OTOF: variants seen among roughly 807,000 people sequenced by gnomAD.
OTOF encodes the protein fer-1-like family member 2.
Under a neutral mutation model 236.8 loss-of-function variants are expected in OTOF, and 218 were observed. The observed-to-expected ratio is 0.92, with a 90% CI of 0.82 to 1.03. OTOF has a LOEUF of 1.03. Ranked by LOEUF, OTOF falls within the 50% of genes least tolerant of loss-of-function variation. The probability of loss-of-function intolerance (pLI) is 0.00; values close to 1 mark genes in which losing one functional copy is unlikely to be tolerated. For missense variants in OTOF, 2,590 were observed against 2,694.4 expected (o/e 0.96, Z 0.86); for synonymous variants, 1,041 against 1,072.5 (o/e 0.97, Z 0.57).
At chr2:26,534,915 C>T (rs538966965) in intron 2 of OTOF, among the ~76,000 whole-genome samples, 2 of 152,342 alleles carry the variant, frequency 1.3e-5, no homozygotes, top group East Asian at 3.9e-4. Context: ...TATTCTGGAA[C>T]CACTGGCAGG....
chr2:26,542,718 T>A (rs1244876909), intron 1 of OTOF, among the ~76,000 whole-genome samples: 2 of 152,054 alleles, frequency 1.3e-5, no homozygotes, highest in African/African-American at 4.8e-5. Flanking sequence ...GGAGTCCCGA[T>A]GGTGAAGGGA....
Position 26,470,539 on chromosome 2 carries a change from G to A in OTOF, c.4023+54C>T. The A allele has an allele frequency of 1.3e-6, 2 of 1,567,304 alleles. No homozygotes were observed. The highest frequency in any genetic ancestry group is 1.8e-6 in the Non-Finnish European group (2 of 1,137,658). ...GGGGCCGTGGGAAAGAAGCTGGACA[G>A]GAGGGTCTGAGTGTGGAGGGGGTCA... On this transcript the variant is annotated intron_variant, in intron 32 of 46. Transcript: ENST00000272371. This position sits in a 1 kb window ranked among gnomAD's most constrained non-coding sequence, Gnocchi z 4.3.
In OTOF at chr2:26,483,466, T is replaced by C. The variant is rs553904559; in HGVS notation, c.1388A>G (p.Gln463Arg). 7.7e-5 allele frequency: 125 copies of C among 1,613,712 alleles called. No individual in the cohort carries two copies. In the Middle Eastern group the frequency reaches 1.2e-3, roughly 15 times the overall value. The change falls in exon 13 of 47, where the codon CAG (glutamine) becomes CGG (arginine). Residue 463 changes from glutamine to arginine, a missense_variant. By Grantham distance (43) the Gln-to-Arg change is conservative. Coordinates refer to ENST00000272371, the MANE Select transcript of OTOF (RefSeq NM_194248.3). The stretch of plus-strand genomic sequence containing the variant: ...CTGTACCTCATACCCCAGTACCTTC[T>C]GGCCAGCAAAGAAGACTTGCACGTA... ...DPYVQVFFAGQKGKTSVQKSS... is the reference protein window; with the variant it reads ...DPYVQVFFAGRKGKTSVQKSS...
At chr2:26,497,289 C>T (rs982909530) in intron 8 of OTOF, among the ~76,000 whole-genome samples, 3 of 151,902 alleles carry the variant, frequency 2.0e-5, no homozygotes, top group African/African-American at 2.4e-5. Flanking sequence ...TTAGTAGAGA[C>T]GAGGTTTCAC....
At position 26,466,737 on chromosome 2, in the gene OTOF, G is replaced by A. The variant is rs757028341; in HGVS notation, c.4477C>T (p.Leu1493=). 1 of 1,614,090 alleles carries A rather than the reference G, an allele frequency of 6.2e-7. No homozygotes were observed. The highest frequency in any genetic ancestry group is 1.3e-5 in the African/African-American group (1 of 74,934). Residue 1493 remains leucine (L), a synonymous_variant, in exon 36 of 47, where the codon CTG becomes TTG. Transcript: ENST00000272371. ...ACCCGGACCACATAGACTCGGACCAGCACATTGATGGGGTCATTGCTCGGG... is the reference window on the plus strand; with the variant it reads ...ACCCGGACCACATAGACTCGGACCAACACATTGATGGGGTCATTGCTCGGG... ...GIPSNDPINV[L]VRVYVVRATD...
chr2:26,534,710 T>C (rs1336840168), intron 2 of OTOF, among the ~76,000 whole-genome samples: 2 of 152,088 alleles, frequency 1.3e-5, no homozygotes, highest in Admixed American at 6.6e-5. Context: ...GGAGCATATC[T>C]CTCTTTTACA....
chr2:26,458,303 C>T, intron 46 of OTOF, 83 bp from the exon 47 acceptor site: 1 of 1,398,948 alleles, frequency 7.1e-7, no homozygotes, highest in Non-Finnish European at 9.9e-7. Flanking sequence ...CTTCTGGACC[C>T]CCAAAAGCCC....
intron 1 of OTOF, among the ~76,000 whole-genome samples, chr2:26,543,388 C>G (rs563523660): frequency 1.3e-5 from 2 of 152,276 alleles, no homozygotes; most frequent in South Asian, 2.1e-4. Flanking sequence ...TATCCTGGAC[C>G]AGCCTGTGTC....
intron 30 of OTOF, 34 bp downstream of exon 30, chr2:26,472,485 C>A: frequency 6.2e-7 from 1 of 1,613,018 alleles, no homozygotes; most frequent in Non-Finnish European, 8.5e-7. Flanking sequence ...TTGCATGTTC[C>A]CAGCCAGCAG....
chr2:26,458,601 G>T (rs1664301898), intron 46 of OTOF, among the ~76,000 whole-genome samples: 1 of 152,076 alleles, frequency 6.6e-6, no homozygotes. Flanking sequence ...GGACATAAAT[G>T]GCTGTTCCCA....
rs560665036 is a variant in OTOF, at chr2:26,467,107, G to T, written c.4354C>A (p.Arg1452Ser). The T allele has an allele frequency of 6.2e-7, 1 of 1,613,456 alleles. No homozygotes were observed. Among genetic ancestry groups the T allele is most frequent in the Non-Finnish European group, 8.5e-7 (1 of 1,179,990 alleles). ...GSTEEERIVG[R>S]FKGSLCVYKV... ...CGTGCTCCTGGCCTGACCTTGAAGC[G>T]TCCCACAATGCGCTCCTCCTCGGTG... The change falls in exon 35 of 47, where the codon CGC becomes AGC. Residue 1452 changes from arginine (R) to serine (S), a missense_variant. Around this residue, in one of 2 missense-constraint regions of OTOF, gnomAD observed 1,211 missense variants for 1,352.8 expected, o/e 0.90. Coordinates refer to ENST00000272371, the MANE Select transcript of OTOF (RefSeq NM_194248.3).
At chr2:26,485,313 A>C (rs1188359207) in intron 11 of OTOF, among the ~76,000 whole-genome samples, 1 of 152,086 alleles carries the variant, frequency 6.6e-6, no homozygotes, top group African/African-American at 2.4e-5. Flanking sequence ...CTCCTCCTCC[A>C]TGCAGCCCTC....
chr2:26,476,057 T>G lies in OTOF; in HGVS notation c.2867-19A>C, dbSNP rs753178992. The G allele has an allele frequency of 6.2e-7, 1 of 1,612,344 alleles. No homozygotes were observed. The highest frequency in any genetic ancestry group is 8.5e-7 in the Non-Finnish European group (1 of 1,179,806). On this transcript the variant is annotated intron_variant, in intron 23 of 46. Coordinates refer to ENST00000272371, the MANE Select transcript of OTOF (RefSeq NM_194248.3). ...TGCTTCTCTGTGGGGAAGGGCAGCC[T>G]GAGGTTCCAGGATGGGCAGCCCCTC...
intron 5 of OTOF, among the ~76,000 whole-genome samples, chr2:26,510,222 G>A (rs561202703): frequency 2.0e-5 from 3 of 152,186 alleles, no homozygotes; most frequent in African/African-American, 4.8e-5. Flanking sequence ...CTTTCTGGGG[G>A]TCTCCAACTC....
At chr2:26,493,841 T>C (rs1163161569) in intron 9 of OTOF, among the ~76,000 whole-genome samples, 2 of 152,096 alleles carry the variant, frequency 1.3e-5, no homozygotes, top group African/African-American at 4.8e-5. Flanking sequence ...AATGGGGAAG[T>C]GGGGGAGGGA....
chr2:26,517,435 T>C (rs116717466), intron 4 of OTOF, among the ~76,000 whole-genome samples: 5,007 of 152,326 alleles, frequency 0.033, 272 homozygotes, highest in African/African-American at 0.11. Context: ...CTAGGCATCA[T>C]GCTAAGATGC....
chr2:26,514,257 G>C (rs989451176), intron 5 of OTOF, among the ~76,000 whole-genome samples: 1 of 152,398 alleles, frequency 6.6e-6, no homozygotes, highest in African/African-American at 2.4e-5. Context: ...GGGTGGGGGT[G>C]CCTGGCTTCG....
intron 30 of OTOF, 142 bp from the exon 31 acceptor site, chr2:26,471,292 T>A (rs990187356): frequency 1.1e-6 from 1 of 883,216 alleles, no homozygotes; most frequent in East Asian, 2.5e-5. Context: ...AGGCCAACTT[T>A]GCATTAATAA....
chr2:26,539,955 A>T (rs1667171035), intron 1 of OTOF, among the ~76,000 whole-genome samples: 1 of 152,060 alleles, frequency 6.6e-6, no homozygotes, highest in South Asian at 2.1e-4. Flanking sequence ...TTGTCTTGAG[A>T]CAGAGTCTTG....
Sources: gnomAD v4.1 joint callset for allele counts (sites outside exome capture counted in the v4.1 genomes callset) on GRCh38, gnomAD v4.1.1 for gene constraint, gnomAD v4.1.1 regional missense constraint, Gnocchi (gnomAD v3.1) non-coding constraint, MANE v1.5 for transcripts, NCBI Gene and HGNC (gene_info 2026-07-23, HGNC 2026-07-21) for gene names.